Variants in ZNF454 observed in about 807,000 individuals in gnomAD.
ZNF454 encodes the protein zinc finger protein 454.
A neutral mutation model predicts 48.2 loss-of-function variants in ZNF454; 30 were observed. That is an observed-to-expected ratio of 0.62 (90% CI 0.47 to 0.84). The LOEUF is 0.84. Among genes scored for constraint, ZNF454 ranks in the 40% least tolerant of loss-of-function variants. The probability of loss-of-function intolerance (pLI) is 0.00; values close to 1 mark genes in which losing one functional copy is unlikely to be tolerated. For synonymous variants in ZNF454, 204 were observed against 211.4 expected (o/e 0.97, Z 0.30); for missense variants, 510 against 623.1 (o/e 0.82, Z 1.93).
chr5:178,950,982 C>G (rs1005847538), intron 4 of ZNF454, among the ~76,000 whole-genome samples: 1 of 151,824 alleles, frequency 6.6e-6, no homozygotes, highest in Non-Finnish European at 1.5e-5. Flanking sequence ...GCCTCAGCCT[C>G]CAGAAGAGCT....
chr5:178,942,544 G>A, intron 1 of ZNF454, 141 bp from the exon 2 acceptor site: 1 of 495,688 alleles, frequency 2.0e-6, no homozygotes. Flanking sequence ...AGTACCCTCA[G>A]AAGGAGGAGA....
At chr5:178,982,189 G>A in the ZNF454 span, among the ~76,000 whole-genome samples, 1 of 152,190 alleles carries the variant, frequency 6.6e-6, no homozygotes, top group Non-Finnish European at 1.5e-5. Context: ...GAGCAGATGG[G>A]CAAATAAATG....
chr5:178,951,174 T>C (rs569698946), intron 4 of ZNF454, among the ~76,000 whole-genome samples: 2 of 152,324 alleles, frequency 1.3e-5, no homozygotes, highest in South Asian at 4.1e-4. Flanking sequence ...AACTGTTTCT[T>C]ATTTATTGCT....
chr5:178,951,960 T>C (rs1270143249), intron 4 of ZNF454, among the ~76,000 whole-genome samples: 1 of 152,238 alleles, frequency 6.6e-6, no homozygotes, highest in African/African-American at 2.4e-5. Context: ...CTAAAAATTC[T>C]GTTAGTCTTA....
At chr5:178,947,220 A>G (rs1759376462) in intron 4 of ZNF454, among the ~76,000 whole-genome samples, 1 of 152,200 alleles carries the variant, frequency 6.6e-6, no homozygotes, top group South Asian at 2.1e-4. Context: ...TTTGGCGTAG[A>G]TTAGTAGAGT....
chr5:178,987,800 C>T, the ZNF454 span, among the ~76,000 whole-genome samples: 2 of 151,932 alleles, frequency 1.3e-5, no homozygotes, highest in African/African-American at 4.8e-5. Context: ...CACTGTGTCG[C>T]CCAGGCTGGA....
the ZNF454 span, chr5:178,986,520 G>A: frequency 6.2e-7 from 1 of 1,608,828 alleles, no homozygotes; most frequent in East Asian, 2.2e-5. Context: ...ACCAGCTCAG[G>A]CGCACCACAG....
the ZNF454 span, among the ~76,000 whole-genome samples, chr5:178,988,747 G>T: frequency 6.6e-6 from 1 of 152,148 alleles, no homozygotes; most frequent in East Asian, 1.9e-4. The surrounding 1 kb of genome is among the most constrained non-coding windows in gnomAD (Gnocchi z 6.0). Flanking sequence ...CTGAAGCCTG[G>T]GGAGGGAGCA....
chr5:178,960,449 G>T (rs1158496860), intron 4 of ZNF454, among the ~76,000 whole-genome samples: 2 of 150,788 alleles, frequency 1.3e-5, no homozygotes, highest in African/African-American at 2.4e-5. Context: ...TAGAGACGGG[G>T]TTTCTCCTTG....
rs1369480248 is a variant in ZNF454 at position 178,946,428 on chromosome 5, C to T, written c.103C>T (p.Gln35Ter). ...AGAGTGGGGGCAGCTGAGCCCCGCC[C>T]AGAGGGCCCTGTACAGGGACGTGAT... ...QEEWGQLSPA[Q>*]RALYRDVMLE... Residue 35 changes from glutamine (Q) to a stop codon, truncating the protein, a stop_gained, in exon 3 of 5, where the codon CAG becomes TAG. Transcript: ENST00000519564. LOFTEE classifies it high-confidence loss of function. This position sits in a 1 kb window ranked among gnomAD's most constrained non-coding sequence, Gnocchi z 4.5. 6.2e-7 allele frequency: 1 copy of T among 1,613,136 alleles called. No individual in the cohort carries two copies. The highest frequency in any genetic ancestry group is 8.5e-7 in the Non-Finnish European group (1 of 1,179,618).
the ZNF454 span, among the ~76,000 whole-genome samples, chr5:178,987,879 A>G: frequency 6.7e-6 from 1 of 148,552 alleles, no homozygotes; most frequent in Non-Finnish European, 1.5e-5. Flanking sequence ...CCTGTCTCAG[A>G]CTCCCGAGTA....
chr5:178,986,355 G>A, the ZNF454 span: 4 of 1,614,042 alleles, frequency 2.5e-6, no homozygotes, highest in Non-Finnish European at 3.4e-6. Context: ...TGGCGTAGAT[G>A]AGGAAGATGC....
the ZNF454 span, among the ~76,000 whole-genome samples, chr5:178,983,888 G>C: frequency 0.01 from 1,547 of 152,312 alleles, 73 homozygotes; most frequent in East Asian, 0.14. Flanking sequence ...CCACACGTTC[G>C]TGCTGGTTGT....
chr5:178,984,053 GC>G, the ZNF454 span, among the ~76,000 whole-genome samples: 1 of 152,198 alleles, frequency 6.6e-6, no homozygotes, highest in Non-Finnish European at 1.5e-5. Context: ...AGCTTTTTGT[GC>G]TTCTCCCAAA....
intron 4 of ZNF454, among the ~76,000 whole-genome samples, chr5:178,958,174 T>C (rs1759854943): frequency 1.3e-5 from 2 of 152,310 alleles, no homozygotes; most frequent in Admixed American, 1.3e-4. Context: ...TCCAACTCAG[T>C]GAATTTTTAC....
intron 4 of ZNF454, among the ~76,000 whole-genome samples, chr5:178,963,358 A>C (rs1418772337): frequency 6.6e-6 from 1 of 151,830 alleles, no homozygotes; most frequent in Admixed American, 6.6e-5. Flanking sequence ...CTTTGTTTTG[A>C]ACAAGGATAT....
rs547813314 is a variant in ZNF454, at chr5:178,959,631, AG to A, written c.251-5023del. ...TCATTTCCTTTTTTTTTTGAGACGG[AG>A]TCTCGCTCTGTTGCCCAGGCTGGAG... On this transcript the variant is annotated intron_variant, in intron 4 of 4. Transcript: ENST00000519564. 2.0e-5 allele frequency among the ~76,000 whole-genome samples: 3 copies of A among 151,878 alleles called. No homozygotes were observed. In the South Asian group the frequency reaches 6.2e-4, roughly 32 times the overall value.
At chr5:178,961,927 C>T (rs1760025735) in intron 4 of ZNF454, among the ~76,000 whole-genome samples, 1 of 151,630 alleles carries the variant, frequency 6.6e-6, no homozygotes, top group Non-Finnish European at 1.5e-5. Context: ...ATTATTGTCT[C>T]ATATAATCAA....
the ZNF454 span, among the ~76,000 whole-genome samples, chr5:178,976,493 G>A: frequency 6.6e-6 from 1 of 152,138 alleles, no homozygotes; most frequent in African/African-American, 2.4e-5. Flanking sequence ...CTGGGAGTGA[G>A]ATGGGGTCCT....
Sources: allele counts gnomAD v4.1 joint callset (sites outside exome capture counted in the v4.1 genomes callset), GRCh38; gene constraint gnomAD v4.1.1; non-coding constraint Gnocchi (gnomAD v3.1); transcripts MANE v1.5; gene names NCBI Gene and HGNC (gene_info 2026-07-23, HGNC 2026-07-21).